C8orf89: variants seen among roughly 807,000 people sequenced by gnomAD.
The protein encoded by C8orf89 is putative uncharacterized protein C8orf89.
In C8orf89, 14 loss-of-function variants were observed where a neutral mutation model predicts 15.8. The observed-to-expected ratio is 0.89, with a 90% CI of 0.59 to 1.39. The LOEUF (loss-of-function observed/expected upper bound fraction) is 1.39, where lower values mean the gene tolerates loss of function less well. Ranked by LOEUF, C8orf89 falls within the 40% of genes most tolerant of loss-of-function variation. The pLI, the probability that C8orf89 is intolerant of heterozygous loss-of-function variation, is 0.00. For missense variants in C8orf89, 181 were observed against 184.5 expected (o/e 0.98, Z 0.11); for synonymous variants, 55 against 62.2 (o/e 0.88, Z 0.54).
chr8:73,277,484 C>T, the C8orf89 span: 1 of 890,080 alleles, frequency 1.1e-6, no homozygotes, highest in Non-Finnish European at 1.8e-6. Context: ...CCCTGGTTTC[C>T]TGATGCCACC....
intron 3 of C8orf89, among the ~76,000 whole-genome samples, chr8:73,243,143 T>G (rs1045467741): frequency 1.3e-5 from 2 of 152,152 alleles, no homozygotes; most frequent in African/African-American, 4.8e-5. Context: ...AGAAGGATGG[T>G]TACCAGAGGC....
chr8:73,257,936 C>A (rs1813435244), intron 1 of C8orf89, among the ~76,000 whole-genome samples: 1 of 151,978 alleles, frequency 6.6e-6, no homozygotes. Context: ...AAAATAGTTT[C>A]TGTTGGTCAA....
chr8:73,254,187 T>A (rs1813313017), intron 2 of C8orf89, among the ~76,000 whole-genome samples: 1 of 152,198 alleles, frequency 6.6e-6, no homozygotes, highest in Admixed American at 6.5e-5. Context: ...TCTATTGAGA[T>A]AATCATGTGG....
chr8:73,265,514 C>T, the C8orf89 span, among the ~76,000 whole-genome samples: 1 of 152,182 alleles, frequency 6.6e-6, no homozygotes, highest in African/African-American at 2.4e-5. Context: ...GATGACCCCC[C>T]TAAGCTAAGT....
the C8orf89 span, among the ~76,000 whole-genome samples, chr8:73,266,823 G>A: frequency 2.0e-5 from 3 of 151,866 alleles, no homozygotes; most frequent in Non-Finnish European, 4.4e-5. Flanking sequence ...CAACCAGGCT[G>A]TGATCTCATT....
the C8orf89 span, among the ~76,000 whole-genome samples, chr8:73,265,952 C>A: frequency 1.3e-5 from 2 of 152,280 alleles, no homozygotes; most frequent in South Asian, 4.1e-4. Context: ...TTATCTCTTA[C>A]ATATCTCTTA....
At chr8:73,242,395 G>A (rs1813026129) in intron 3 of C8orf89, among the ~76,000 whole-genome samples, 1 of 152,122 alleles carries the variant, frequency 6.6e-6, no homozygotes. Flanking sequence ...GATCCCTTGA[G>A]CTCAGAAGTT....
chr8:73,257,981 T>TG (rs1429583445), intron 1 of C8orf89, among the ~76,000 whole-genome samples: 1 of 152,282 alleles, frequency 6.6e-6, no homozygotes, highest in East Asian at 1.9e-4. Flanking sequence ...CAATTAGATT[T>TG]GGGGGGTAGA....
chr8:73,245,038 G>C (rs754581006), intron 3 of C8orf89, among the ~76,000 whole-genome samples: 3 of 152,178 alleles, frequency 2.0e-5, no homozygotes, highest in Admixed American at 2.0e-4. Flanking sequence ...CACACCAGAA[G>C]GCAAAAGCCA....
chr8:73,258,349 T>G (rs1012878430), intron 1 of C8orf89, among the ~76,000 whole-genome samples: 1 of 140,182 alleles, frequency 7.1e-6, no homozygotes, highest in East Asian at 2.1e-4. Flanking sequence ...AGGCAGAGGC[T>G]GCAGTGAGCC....
the C8orf89 span, among the ~76,000 whole-genome samples, chr8:73,278,347 T>C: frequency 6.6e-6 from 1 of 152,194 alleles, no homozygotes; most frequent in Non-Finnish European, 1.5e-5. Flanking sequence ...TCAAGACTAT[T>C]CAAGCTGACT....
intron 3 of C8orf89, among the ~76,000 whole-genome samples, chr8:73,245,985 TGTG>T (rs1169151271): frequency 1.3e-5 from 2 of 152,184 alleles, no homozygotes; most frequent in African/African-American, 4.8e-5. Flanking sequence ...GCCATTATAA[TGTG>T]GACACTGAAT....
At chr8:73,253,692 G>A (rs1345256911) in intron 2 of C8orf89, among the ~76,000 whole-genome samples, 1 of 151,244 alleles carries the variant, frequency 6.6e-6, no homozygotes, top group African/African-American at 2.5e-5. Flanking sequence ...TATTCTCTTT[G>A]AAGCAAATGT....
chr8:73,254,055 T>G (rs1273364420), intron 2 of C8orf89, among the ~76,000 whole-genome samples: 2 of 152,176 alleles, frequency 1.3e-5, no homozygotes, highest in African/African-American at 4.8e-5. Context: ...TTCACTATGA[T>G]ATTGGCTGTG....
At chr8:73,272,647 T>C in the C8orf89 span, among the ~76,000 whole-genome samples, 3 of 152,028 alleles carry the variant, frequency 2.0e-5, no homozygotes, top group Non-Finnish European at 2.9e-5. Flanking sequence ...ATGTTCCCCT[T>C]CCTGTGTCCA....
At chr8:73,245,270 T>C (rs1813100414) in intron 3 of C8orf89, among the ~76,000 whole-genome samples, 1 of 152,226 alleles carries the variant, frequency 6.6e-6, no homozygotes, top group Non-Finnish European at 1.5e-5. Flanking sequence ...AGTCAAACCA[T>C]ATAAACACAT....
chr8:73,280,732 C>CATATATATATACACATATATATACACAT, the C8orf89 span, among the ~76,000 whole-genome samples: 4 of 149,920 alleles, frequency 2.7e-5, no homozygotes, highest in Non-Finnish European at 5.9e-5. Flanking sequence ...TATATATACA[C>CATATATATATACACATATATATACACAT]ATATATATAT....
upstream of C8orf89, chr8:73,259,531 C>A (rs1398880849): frequency 8.0e-6 from 9 of 1,126,684 alleles, no homozygotes; most frequent in Non-Finnish European, 1.1e-5. Flanking sequence ...ACAAAAAAAA[C>A]AAGGCACGTC....
At chr8:73,256,852 T>TA (rs34481187) in intron 2 of C8orf89, 121 bp downstream of exon 2, 47,639 of 456,858 alleles carry the variant, frequency 0.1, 410 homozygotes, top group South Asian at 0.11. Flanking sequence ...ATCCTTTATG[T>TA]AAAAAAAAAA....
Sources: allele counts gnomAD v4.1 joint callset (sites outside exome capture counted in the v4.1 genomes callset), GRCh38; gene constraint gnomAD v4.1.1; transcripts MANE v1.5; gene names NCBI Gene and HGNC (gene_info 2026-07-23, HGNC 2026-07-21).